The following ZNF257 variants were observed in gnomAD, a reference collection of about 807,000 sequenced individuals.
ZNF257 encodes zinc finger protein 257.
In ZNF257, 12 loss-of-function variants were observed where a neutral mutation model predicts 11.9. The ratio of observed to expected loss-of-function variants is 1.01; its 90% CI spans 0.65 to 1.63. ZNF257 has a LOEUF of 1.63. Ranked by LOEUF, ZNF257 falls within the 40% of genes most tolerant of loss-of-function variation. The pLI, the probability that ZNF257 is intolerant of heterozygous loss-of-function variation, is 0.00. For missense variants in ZNF257, 580 were observed against 665.5 expected (o/e 0.87, Z 1.41); for synonymous variants, 183 against 222.7 (o/e 0.82, Z 1.59).
chr19:22,081,467 G>A (rs1357497746), intron 3 of ZNF257, among the ~76,000 whole-genome samples: 1 of 151,854 alleles, frequency 6.6e-6, no homozygotes, highest in Non-Finnish European at 1.5e-5. Context: ...TCTCTTGTAT[G>A]CAGCATATTG....
At chr19:22,073,870 G>T (rs1487668896) in intron 3 of ZNF257, among the ~76,000 whole-genome samples, 1 of 151,942 alleles carries the variant, frequency 6.6e-6, no homozygotes, top group Non-Finnish European at 1.5e-5. Flanking sequence ...GTTTTTAGGG[G>T]CATACAAATA....
rs76624361 is a variant in ZNF257, at chr19:22,082,508, G to A, written c.227-5469G>A. The stretch of plus-strand genomic sequence containing the variant: ...CATTTTTTATAGGACAGTGCTAGTC[G>A]TGATGAACACTCTCACCTTTTATTT... On this transcript the variant is annotated intron_variant, in intron 3 of 3. Coordinates refer to ENST00000594947, the MANE Select transcript of ZNF257 (RefSeq NM_033468.4). 7.7e-3 allele frequency among the ~76,000 whole-genome samples: 1,177 copies of A among 152,188 alleles called. 12 individuals are homozygous for A. Among genetic ancestry groups the A allele is most frequent in the African/African-American group, 0.027 (1,103 of 41,504 alleles).
At chr19:22,058,925 G>C (rs2021718742) in intron 1 of ZNF257, among the ~76,000 whole-genome samples, 1 of 151,796 alleles carries the variant, frequency 6.6e-6, no homozygotes, top group African/African-American at 2.4e-5. Flanking sequence ...AAACCCACAA[G>C]TGTCTACAAG....
In ZNF257 at chr19:22,055,763, A is replaced by G. The variant is rs180855286; in HGVS notation, c.3+3128A>G. On this transcript the variant is annotated intron_variant, in intron 1 of 3. Transcript: ENST00000594947. ...AGCATTGCTACTCCCTCGGTTTGTCACCTTGAAAAGAATTGTTTTCGGCCG... is the reference window on the plus strand; with the variant it reads ...AGCATTGCTACTCCCTCGGTTTGTCGCCTTGAAAAGAATTGTTTTCGGCCG... Among the ~76,000 whole-genome samples the G allele has an allele frequency of 6.2e-3, 945 of 152,110 alleles. 11 individuals carry two copies. Among genetic ancestry groups the G allele is most frequent in the African/African-American group, 0.022 (914 of 41,504 alleles).
chr19:22,083,427 C>T (rs956487008), intron 3 of ZNF257, among the ~76,000 whole-genome samples: 5 of 152,072 alleles, frequency 3.3e-5, no homozygotes, highest in Non-Finnish European at 5.9e-5. Context: ...GCCAAGATCG[C>T]GCCATTGCAC....
chr19:22,085,310 C>A (rs2022451929), intron 3 of ZNF257, among the ~76,000 whole-genome samples: 1 of 152,090 alleles, frequency 6.6e-6, no homozygotes, highest in Admixed American at 6.6e-5. Context: ...CTCAGGTGAT[C>A]CACCTGCCGT....
chr19:22,063,802 C>A (rs1009485453), intron 1 of ZNF257, among the ~76,000 whole-genome samples: 4 of 152,128 alleles, frequency 2.6e-5, no homozygotes, highest in African/African-American at 4.8e-5. Context: ...GAGTTTGTTT[C>A]ACATGGTGAT....
At chr19:22,055,075 T>TAGAG (rs1301780215) in intron 1 of ZNF257, among the ~76,000 whole-genome samples, 4 of 152,140 alleles carry the variant, frequency 2.6e-5, no homozygotes, top group African/African-American at 9.7e-5. Flanking sequence ...TTCCATTTCT[T>TAGAG]AGAGACACAT....
intron 1 of ZNF257, among the ~76,000 whole-genome samples, chr19:22,069,046 T>C (rs1222321324): frequency 6.6e-6 from 1 of 152,154 alleles, no homozygotes; most frequent in Non-Finnish European, 1.5e-5. Context: ...AGAGGTGTCT[T>C]TGGTTGGTAC....
intron 3 of ZNF257, among the ~76,000 whole-genome samples, chr19:22,084,638 C>T (rs1182895013): frequency 1.3e-5 from 2 of 151,036 alleles, no homozygotes; most frequent in African/African-American, 2.4e-5. Context: ...TTGAGTGTAT[C>T]GTTTAATTTC....
chr19:22,086,549 G>A (rs73930399), intron 3 of ZNF257, among the ~76,000 whole-genome samples: 6,691 of 151,472 alleles, frequency 0.044, 540 homozygotes, highest in African/African-American at 0.15. Context: ...TTCTTGCATC[G>A]TGTTATTTTC....
intron 3 of ZNF257, among the ~76,000 whole-genome samples, chr19:22,079,467 C>G (rs2022310791): frequency 6.6e-6 from 1 of 152,112 alleles, no homozygotes; most frequent in Non-Finnish European, 1.5e-5. Context: ...GCACACACTT[C>G]CACATGGCTG....
rs189652145 is a variant in ZNF257, at chr19:22,055,629, G to T, written c.3+2994G>T. Among the ~76,000 whole-genome samples the T allele has an allele frequency of 1.6e-3, 244 of 152,332 alleles. 3 individuals carry two copies. Among genetic ancestry groups the T allele is most frequent in the African/African-American group, 5.3e-3 (222 of 41,580 alleles). On this transcript the variant is annotated intron_variant, in intron 1 of 3. Coordinates refer to ENST00000594947, the MANE Select transcript of ZNF257 (RefSeq NM_033468.4). ...AGTGGGGCATAGTGCAGTTTCTCCT[G>T]AGAGAGTGGTTATTGAGCACTTATG... is the stretch of plus-strand genomic sequence containing the variant.
intron 1 of ZNF257, among the ~76,000 whole-genome samples, chr19:22,071,815 TA>T (rs1237167456): frequency 1.3e-5 from 2 of 152,052 alleles, no homozygotes; most frequent in African/African-American, 4.8e-5. Flanking sequence ...AAGGGGTTCT[TA>T]AAAAAGATGG....
intron 1 of ZNF257, among the ~76,000 whole-genome samples, chr19:22,065,064 A>C (rs947394228): frequency 1.3e-5 from 2 of 152,156 alleles, no homozygotes; most frequent in African/African-American, 4.8e-5. Flanking sequence ...AAAAAAAAAA[A>C]AAAGTATTTT....
chr19:22,062,287 G>A (rs12461632), intron 1 of ZNF257, among the ~76,000 whole-genome samples: 34,276 of 146,114 alleles, frequency 0.23, 4,791 homozygotes, highest in South Asian at 0.44. Context: ...GTGCAGTGGC[G>A]AATTTTTTTT....
intron 1 of ZNF257, among the ~76,000 whole-genome samples, chr19:22,055,640 T>C (rs2145682347): frequency 6.6e-6 from 1 of 152,314 alleles, no homozygotes; most frequent in Admixed American, 6.5e-5. Context: ...AGAGAGTGGT[T>C]ATTGAGCACT....
rs1196162775 is a variant in ZNF257 at position 22,073,525 on chromosome 19, T to C, written c.187T>C (p.Cys63Arg). The C allele has an allele frequency of 6.8e-6, 11 of 1,612,184 alleles. No homozygotes were observed. The highest frequency in any genetic ancestry group is 5.1e-6 in the Non-Finnish European group (6 of 1,179,234). Residue 63 changes from cysteine (C) to arginine (R), a missense_variant, in exon 3 of 4, where the codon TGT (cysteine) becomes CGT (arginine). Coordinates refer to ENST00000594947, the MANE Select transcript of ZNF257 (RefSeq NM_033468.4). ...CTGTCTGGAGCAAGGAAAAGAGCCC[T>C]GTAATATGAAGAGACATGAGATGGT... ...ITCLEQGKEP[C>R]NMKRHEMVAK...
chr19:22,088,962 A>G lies in ZNF257; in HGVS notation c.1212A>G (p.Glu404=), dbSNP rs775808287. 1.7e-5 allele frequency: 28 copies of G among 1,611,918 alleles called. No homozygotes were observed. The highest frequency in any genetic ancestry group is 2.3e-5 in the Non-Finnish European group (27 of 1,179,378). ...GAGAGAAGGCCTACAAATGTGATGA[A>G]TATTGCAAAGCTTTTAACTGGTCCT... The part of the protein sequence containing the change: ...HTREKAYKCD[E]YCKAFNWSSA... Residue 404 remains glutamate, a synonymous_variant, in exon 4 of 4, where the codon GAA becomes GAG. Coordinates refer to ENST00000594947, the MANE Select transcript of ZNF257 (RefSeq NM_033468.4).
Sources: allele counts gnomAD v4.1 joint callset (sites outside exome capture counted in the v4.1 genomes callset), GRCh38; gene constraint gnomAD v4.1.1; transcripts MANE v1.5; gene names NCBI Gene and HGNC (gene_info 2026-07-23, HGNC 2026-07-21).